ATM: variants seen among roughly 807,000 people sequenced by gnomAD.
ATM encodes ATM serine/threonine kinase.
Under a neutral mutation model 387.0 loss-of-function variants are expected in ATM, and 308 were observed. The observed-to-expected ratio is 0.80, with a 90% confidence interval of 0.73 to 0.87. The LOEUF (loss-of-function observed/expected upper bound fraction) is 0.87. Among genes scored for constraint, ATM ranks in the 40% least tolerant of loss-of-function variants. The pLI is 0.00. For missense variants in ATM, 3,312 were observed against 3,560.9 expected (o/e 0.93, Z 1.78); for synonymous variants, 1,156 against 1,187.3 (o/e 0.97, Z 0.54).
At chr11:108,239,016 G>A (rs973366178) in intron 5 of ATM, among the ~76,000 whole-genome samples, 1 of 151,802 alleles carries the variant, frequency 6.6e-6, no homozygotes, top group Non-Finnish European at 1.5e-5. Flanking sequence ...TATGAATTTG[G>A]CTATTTGGGG....
intron 59 of ATM, among the ~76,000 whole-genome samples, chr11:108,348,557 A>G (rs1220188628): frequency 6.6e-6 from 1 of 151,954 alleles, no homozygotes. Flanking sequence ...AGACAGTTTA[A>G]TATATAAGAA....
chr11:108,315,251 A>C (rs2084518479), intron 40 of ATM, among the ~76,000 whole-genome samples: 1 of 152,262 alleles, frequency 6.6e-6, no homozygotes. Context: ...CTGCAAAATT[A>C]TTACAATAGT....
intron 56 of ATM, 62 bp from the exon 57 acceptor site, chr11:108,343,160 T>A (rs916021017): frequency 2.5e-6 from 4 of 1,595,230 alleles, no homozygotes; most frequent in Admixed American, 1.7e-5. Flanking sequence ...GATAGCTGAA[T>A]GATCATCAAA....
At position 108,244,956 on chromosome 11, in the gene ATM, A is replaced by G. The variant is rs775595591; in HGVS notation, c.831A>G (p.Glu277=). 6.2e-7 allele frequency: 1 copy of G among 1,613,372 alleles called. No homozygotes were observed. Among genetic ancestry groups the G allele is most frequent in the Non-Finnish European group, 8.5e-7 (1 of 1,179,812 alleles). Residue 277 remains glutamate, a synonymous_variant, in exon 7 of 63, where the codon GAA becomes GAG. Coordinates refer to ENST00000675843, the MANE Select transcript of ATM (RefSeq NM_000051.4). Reference sequence around the variant, plus strand: ...ATAGGCTTAATGATTCTTTAAAAGAAGTCATTATTGAATTATTTCAACTGC... The same window carrying G: ...ATAGGCTTAATGATTCTTTAAAAGAGGTCATTATTGAATTATTTCAACTGC... The part of the protein sequence containing the change: ...TQHRLNDSLK[E]VIIELFQLQI...
rs34838175 is a variant in ATM at position 108,332,034 on chromosome 11, T to C, written c.7785T>C (p.Asp2595=). The C allele has an allele frequency of 4.2e-5, 67 of 1,613,720 alleles. No individual in the cohort carries two copies. The highest frequency in any genetic ancestry group is 5.7e-5 in the Non-Finnish European group (67 of 1,179,764). The change falls in exon 52 of 63, where the codon GAT becomes GAC. Residue 2595 remains aspartate, a synonymous_variant. Coordinates refer to ENST00000675843, the MANE Select transcript of ATM (RefSeq NM_000051.4). The part of the protein sequence containing the change: ...KNVPKQSSQL[D]EDRTEAANRI... Reference sequence around the variant, plus strand: ...TGCCTAAACAAAGCTCTCAGCTTGATGAGGTATTTGGATTAAACATACGTA... The same window carrying C: ...TGCCTAAACAAAGCTCTCAGCTTGACGAGGTATTTGGATTAAACATACGTA...
At chr11:108,304,654 G>A in intron 36 of ATM, 21 bp from the exon 37 acceptor site, 1 of 1,609,530 alleles carries the variant, frequency 6.2e-7, no homozygotes. Context: ...ACTATTGGGT[G>A]GATTTGTTTG....
intron 41 of ATM, 49 bp downstream of exon 41, chr11:108,315,960 G>A (rs2136124434): frequency 6.2e-7 from 1 of 1,607,110 alleles, no homozygotes. Flanking sequence ...GTTTATGAAG[G>A]AGTTATGTGT....
intron 47 of ATM, among the ~76,000 whole-genome samples, chr11:108,326,439 G>A (rs2085693217): frequency 6.6e-6 from 1 of 152,044 alleles, no homozygotes; most frequent in African/African-American, 2.4e-5. Context: ...TCATGTGGTC[G>A]ATTCATTTAA....
chr11:108,283,331 CTT>C (rs1214660222), intron 25 of ATM, among the ~76,000 whole-genome samples: 1 of 152,070 alleles, frequency 6.6e-6, no homozygotes, highest in Non-Finnish European at 1.5e-5. Flanking sequence ...GATTTAGAAA[CTT>C]AATGTAAAAC....
At chr11:108,256,721 T>C (rs1210222369) in intron 14 of ATM, among the ~76,000 whole-genome samples, 2 of 152,092 alleles carry the variant, frequency 1.3e-5, no homozygotes, top group Non-Finnish European at 2.9e-5. Context: ...CCTGTGTCCA[T>C]GTGTTCTCAT....
At chr11:108,358,505 A>G (rs994275262) in intron 61 of ATM, among the ~76,000 whole-genome samples, 2 of 148,738 alleles carry the variant, frequency 1.3e-5, no homozygotes, top group African/African-American at 5.0e-5. Flanking sequence ...AGATTCACCA[A>G]AGTTGAAATG....
Position 108,326,080 on chromosome 11 carries a change from A to C in ATM, c.6830A>C (p.Gln2277Pro). 6.2e-7 allele frequency: 1 copy of C among 1,614,142 alleles called. No homozygotes were observed. Among genetic ancestry groups the C allele is most frequent in the Non-Finnish European group, 8.5e-7 (1 of 1,180,010 alleles). ...CAGCTCCCTGAAAGGGCAATATTTC[A>C]AATTAAACAGTACAATTCAGTTAGC... ...NTQLPERAIF[Q>P]IKQYNSVSCG... Residue 2277 changes from glutamine to proline, a missense_variant, in exon 47 of 63, where the codon CAA becomes CCA. This residue lies in a region of ATM where 1,405 missense variants were observed against 1,604.4 expected (regional missense o/e 0.88). Coordinates refer to ENST00000675843, the MANE Select transcript of ATM (RefSeq NM_000051.4).
rs1262903756 is a variant in ATM, at chr11:108,298,667, AC to A, written c.5006-1046del. On this transcript the variant is annotated intron_variant, in intron 33 of 62. Transcript: ENST00000675843. Reference sequence around the variant, plus strand: ...TGTCCACTTTCACTACTGCTGTTCAACAGTGTACTGGAAGTTCTAGCCAGAG... The same window carrying A: ...TGTCCACTTTCACTACTGCTGTTCAAAGTGTACTGGAAGTTCTAGCCAGAG... 3.9e-5 allele frequency among the ~76,000 whole-genome samples: 6 copies of A among 152,342 alleles called. No individual in the cohort carries two copies. The East Asian group carries it at 5.8e-4, about 15-fold the overall frequency.
chr11:108,276,665 C>A (rs2081966045), intron 22 of ATM, among the ~76,000 whole-genome samples: 1 of 152,148 alleles, frequency 6.6e-6, no homozygotes, highest in South Asian at 2.1e-4. Context: ...CACTCCAGAC[C>A]CTGTTTGCCT....
chr11:108,349,183 T>G (rs576578041), intron 59 of ATM, among the ~76,000 whole-genome samples: 8 of 152,256 alleles, frequency 5.3e-5, no homozygotes, highest in South Asian at 2.1e-4. Flanking sequence ...GGAAAATCTT[T>G]TATGAAAGAA....
chr11:108,357,598 G>A (rs1304986577), intron 61 of ATM, among the ~76,000 whole-genome samples: 1 of 152,178 alleles, frequency 6.6e-6, no homozygotes, highest in East Asian at 1.9e-4. Flanking sequence ...CTGGAGATCG[G>A]ACAACAGGCA....
At chr11:108,264,647 G>C (rs1221202440) in intron 16 of ATM, among the ~76,000 whole-genome samples, 2 of 142,082 alleles carry the variant, frequency 1.4e-5, no homozygotes, top group Non-Finnish European at 1.5e-5. Context: ...TCAGGCAGGA[G>C]AAGGAAATAA....
chr11:108,310,371 A>G (rs2136022638), intron 39 of ATM, 56 bp downstream of exon 39: 1 of 1,505,414 alleles, frequency 6.6e-7, no homozygotes, highest in Non-Finnish European at 9.2e-7. Flanking sequence ...TGTCTCAATA[A>G]GGGTATATAG....
intron 45 of ATM, 39 bp from the exon 46 acceptor site, chr11:108,325,271 T>TTTTTTTC: frequency 9.7e-7 from 1 of 1,032,894 alleles, no homozygotes. Context: ...TTTTTTTTCA[T>TTTTTTTC]TTCTCTTGCT....
Sources: gnomAD v4.1 joint callset for allele counts (sites outside exome capture counted in the v4.1 genomes callset) on GRCh38, gnomAD v4.1.1 for gene constraint, gnomAD v4.1.1 regional missense constraint, MANE v1.5 for transcripts, NCBI Gene and HGNC (gene_info 2026-07-23, HGNC 2026-07-21) for gene names.